STK39: variants seen among roughly 807,000 people sequenced by gnomAD.
The protein encoded by STK39 is STE20/SPS1-related proline-alanine-rich protein kinase.
Under a neutral mutation model 77.8 loss-of-function variants are expected in STK39, and 20 were observed. The ratio of observed to expected loss-of-function variants is 0.26; its 90% CI spans 0.18 to 0.37. STK39 has a LOEUF of 0.37. Among genes scored for constraint, STK39 ranks in the 10% least tolerant of loss-of-function variants. STK39 has a pLI of 1.00. For synonymous variants in STK39, 246 were observed against 234.1 expected (o/e 1.05, Z -0.47); for missense variants, 479 against 656.5 (o/e 0.73, Z 2.95).
At chr2:168,000,966 C>T (rs1028794280) in intron 16 of STK39, among the ~76,000 whole-genome samples, 4 of 152,154 alleles carry the variant, frequency 2.6e-5, no homozygotes, top group African/African-American at 9.7e-5. Context: ...GGCATTAAAT[C>T]CATTTCTCAA....
intron 14 of STK39, among the ~76,000 whole-genome samples, chr2:168,053,108 T>C (rs987549511): frequency 6.6e-6 from 1 of 152,226 alleles, no homozygotes; most frequent in African/African-American, 2.4e-5. Flanking sequence ...ATTTTCCTAC[T>C]GGGCAGTTTT....
rs193217399 is a variant in STK39 at position 168,097,759 on chromosome 2, C to T, written c.1090-22528G>A. Reference sequence around the variant, plus strand: ...AAAAACAAAAAAAAAAAAAAGAAGACGAAGAAGACTAGTGGAATAAACGGA... The same window carrying T: ...AAAAACAAAAAAAAAAAAAAGAAGATGAAGAAGACTAGTGGAATAAACGGA... On this transcript the variant is annotated intron_variant, in intron 10 of 17. Transcript: ENST00000355999. 4.6e-5 allele frequency among the ~76,000 whole-genome samples: 7 copies of T among 151,362 alleles called. No homozygotes were observed. The East Asian group carries it at 5.8e-4, about 13-fold the overall frequency.
chr2:167,960,747 A>T (rs1317641773), intron 17 of STK39, among the ~76,000 whole-genome samples: 1 of 151,938 alleles, frequency 6.6e-6, no homozygotes, highest in East Asian at 1.9e-4. Context: ...TGCATTTTGG[A>T]ATCACTAGGA....
Position 168,129,609 on chromosome 2 carries a change from G to A in STK39, c.1024-3C>T. The A allele has an allele frequency of 6.2e-7, 1 of 1,613,956 alleles. No individual in the cohort carries two copies. Among genetic ancestry groups the A allele is most frequent in the African/African-American group, 1.3e-5 (1 of 75,016 alleles). On this transcript the variant is annotated splice_region_variant and splice_polypyrimidine_tract_variant and intron_variant, in intron 9 of 17. Coordinates refer to ENST00000355999, the MANE Select transcript of STK39 (RefSeq NM_013233.3). ...TTCTCAATCAGGTACTCTCTGTTCT[G>A]CAAAACAAATATTCCCAACAGTTTA...
At chr2:168,139,570 T>C (rs1299327003) in intron 7 of STK39, among the ~76,000 whole-genome samples, 1 of 152,076 alleles carries the variant, frequency 6.6e-6, no homozygotes, top group Non-Finnish European at 1.5e-5. Context: ...TCAGTAAAAC[T>C]CACTTTTTAT....
Position 168,182,182 on chromosome 2 carries a change from C to A in STK39, c.209-92G>T, listed in dbSNP as rs75809692. The A allele has an allele frequency of 2.9e-5, 28 of 952,284 alleles. No homozygotes were observed. In the East Asian group the frequency reaches 6.9e-4, roughly 24 times the overall value. The allele number at this position is 952,284 out of a possible 1,614,324, so 59.0% of individuals were successfully genotyped here. A position where few individuals can be genotyped will look rare whatever the true frequency, so the allele number is the denominator to read the frequency against. Reference sequence around the variant, plus strand: ...TTTCCTAAAGATCAATTTTTTTAAACTCTTCTACTCAGCGTATTCAGAACA... The same window carrying A: ...TTTCCTAAAGATCAATTTTTTTAAAATCTTCTACTCAGCGTATTCAGAACA... On this transcript the variant is annotated intron_variant, in intron 1 of 17. Transcript: ENST00000355999.
At chr2:168,013,437 A>G (rs1277757287) in intron 15 of STK39, among the ~76,000 whole-genome samples, 17 of 152,216 alleles carry the variant, frequency 1.1e-4, no homozygotes, top group Admixed American at 1.1e-3. Flanking sequence ...GGCTTTGTAA[A>G]GGGAAATTGA....
chr2:168,167,174 G>T, intron 3 of STK39, 125 bp downstream of exon 3: 2 of 790,960 alleles, frequency 2.5e-6, no homozygotes, highest in South Asian at 3.4e-5. Flanking sequence ...TCTAGGCAAT[G>T]AGAAACCAAA....
rs1691727995 is a variant in STK39, at chr2:167,955,068, A to G, written c.*428T>C. 6.5e-6 allele frequency: 1 copy of G among 153,948 alleles called. No homozygotes were observed. Among genetic ancestry groups the G allele is most frequent in the South Asian group, 2.0e-4 (1 of 4,926 alleles). 9.5% of individuals were successfully genotyped at this position (153,948 alleles called of 1,614,324 possible). ...AGGCAGTATTGTCAGATGTACAATT[A>G]AAGTATTATAACAGAAATAACAACA... On this transcript the variant is annotated 3_prime_UTR_variant, in exon 18 of 18. Transcript: ENST00000355999.
chr2:168,097,782 G>A lies in STK39; in HGVS notation c.1090-22551C>T, dbSNP rs13431013. Among the ~76,000 whole-genome samples, 172 of 151,896 alleles carry A rather than the reference G, an allele frequency of 1.1e-3. 1 individual carries two copies. The highest frequency in any genetic ancestry group is 5.2e-3 in the South Asian group (25 of 4,810). ...GACGAAGAAGACTAGTGGAATAAACGGAATCAACTATTACATGCTTGAATT... is the reference window on the plus strand; with the variant it reads ...GACGAAGAAGACTAGTGGAATAAACAGAATCAACTATTACATGCTTGAATT... On this transcript the variant is annotated intron_variant, in intron 10 of 17. Coordinates refer to ENST00000355999, the MANE Select transcript of STK39 (RefSeq NM_013233.3).
At chr2:168,235,329 A>G (rs1288148386) in intron 1 of STK39, among the ~76,000 whole-genome samples, 1 of 152,070 alleles carries the variant, frequency 6.6e-6, no homozygotes, top group Non-Finnish European at 1.5e-5. Context: ...TCCCTGAGCC[A>G]CCACGGCCGG....
chr2:168,020,180 G>T (rs1684535444), intron 14 of STK39, among the ~76,000 whole-genome samples: 1 of 152,106 alleles, frequency 6.6e-6, no homozygotes, highest in East Asian at 1.9e-4. Context: ...TACTATATTA[G>T]AAATTAAAAT....
rs201535142 is a variant in STK39, at chr2:168,219,739, AG to A, written c.208+27488del. ...ATGGTCCAGGTTTAGAAACTAAAAA[AG>A]CCATTTATTAGAATCACCATTTAAA... On this transcript the variant is annotated intron_variant, in intron 1 of 17. Transcript: ENST00000355999. Among the ~76,000 whole-genome samples, 276 of 152,318 alleles carry A rather than the reference AG, an allele frequency of 1.8e-3. 3 individuals carry two copies. Among genetic ancestry groups the A allele is most frequent in the African/African-American group, 6.3e-3 (260 of 41,552 alleles).
At chr2:168,204,036 GT>G (rs773848141) in intron 1 of STK39, among the ~76,000 whole-genome samples, 5 of 152,222 alleles carry the variant, frequency 3.3e-5, no homozygotes, top group African/African-American at 4.8e-5. Context: ...TGAAAACACA[GT>G]TAAGATTATA....
At position 168,110,328 on chromosome 2, in the gene STK39, A is replaced by G. The variant is rs112944400; in HGVS notation, c.1089+19213T>C. On this transcript the variant is annotated intron_variant, in intron 10 of 17. Transcript: ENST00000355999. The stretch of plus-strand genomic sequence containing the variant: ...TCTTACTGTAACCTAAAACTCCTGG[A>G]CTCAAGCAATCCTCCTTCCTCAGCC... 1.6e-3 allele frequency among the ~76,000 whole-genome samples: 250 copies of G among 152,174 alleles called. 1 individual carries two copies. The highest frequency in any genetic ancestry group is 5.7e-3 in the African/African-American group (235 of 41,540).
At chr2:168,243,607 G>A (rs571727373) in intron 1 of STK39, among the ~76,000 whole-genome samples, 1 of 152,282 alleles carries the variant, frequency 6.6e-6, no homozygotes, top group South Asian at 2.1e-4. Context: ...TGCTGAGGCA[G>A]GAGTCTAGGG....
At chr2:168,019,796 C>G (rs1003770248) in intron 14 of STK39, among the ~76,000 whole-genome samples, 1 of 152,104 alleles carries the variant, frequency 6.6e-6, no homozygotes, top group Non-Finnish European at 1.5e-5. Flanking sequence ...CTCTGCCTCC[C>G]GGGTTCTAGC....
intron 17 of STK39, among the ~76,000 whole-genome samples, chr2:167,957,083 G>T (rs1057383688): frequency 6.6e-6 from 1 of 152,000 alleles, no homozygotes; most frequent in Non-Finnish European, 1.5e-5. Context: ...CAGAAAACCA[G>T]CATCAACTCT....
Position 168,075,325 on chromosome 2 carries a change from C to T in STK39, c.1090-94G>A, listed in dbSNP as rs1686052281. ...TGGGTTATACGGCATACACACCAAC[C>T]TGAAAATAACCTGAGTGGCTGTGAA... On this transcript the variant is annotated intron_variant, in intron 10 of 17. Transcript: ENST00000355999. The T allele has an allele frequency of 7.2e-6, 11 of 1,528,592 alleles. No individual in the cohort carries two copies. The South Asian group carries it at 1.2e-4, about 16-fold the overall frequency. 94.7% of individuals were successfully genotyped at this position (1,528,592 alleles called of 1,614,324 possible).
Sources: gnomAD v4.1 joint callset for allele counts (sites outside exome capture counted in the v4.1 genomes callset) on GRCh38, gnomAD v4.1.1 for gene constraint, MANE v1.5 for transcripts, NCBI Gene and HGNC (gene_info 2026-07-23, HGNC 2026-07-21) for gene names.